The following CNTNAP4 variants were observed in gnomAD, a reference collection of about 807,000 sequenced individuals.
CNTNAP4 encodes the protein contactin associated protein family member 4.
CNTNAP4 carries 98 observed loss-of-function variants against 148.4 expected under a neutral mutation model. That is an observed-to-expected ratio of 0.66 (90% CI 0.56 to 0.78). CNTNAP4 has a LOEUF of 0.78. Among genes scored for constraint, CNTNAP4 ranks in the 30% least tolerant of loss-of-function variants. CNTNAP4 has a pLI of 0.00. For synonymous variants in CNTNAP4, 730 were observed against 565.1 expected (o/e 1.29, Z -4.14); for missense variants, 1,935 against 1,565.6 (o/e 1.24, Z -3.98).
rs539943195 is a variant in CNTNAP4 at position 76,282,478 on chromosome 16, T to G, written c.85+4731T>G. 1.3e-3 allele frequency among the ~76,000 whole-genome samples: 202 copies of G among 152,038 alleles called. 1 individual carries two copies. The highest frequency in any genetic ancestry group is 0.013 in the South Asian group (62 of 4,830). On this transcript the variant is annotated intron_variant, in intron 1 of 23. Transcript: ENST00000611870. Reference sequence around the variant, plus strand: ...TTTTCATGAGTATAAAATATTCCACTCTATCTTAATCAGCAACTTACATTT... The same window carrying G: ...TTTTCATGAGTATAAAATATTCCACGCTATCTTAATCAGCAACTTACATTT...
At chr16:76,554,993 A>G (rs2085130367) in intron 23 of CNTNAP4, among the ~76,000 whole-genome samples, 1 of 151,508 alleles carries the variant, frequency 6.6e-6, no homozygotes, top group South Asian at 2.1e-4. Flanking sequence ...TAATCGTATT[A>G]CTGGCACAAA....
intron 2 of CNTNAP4, among the ~76,000 whole-genome samples, chr16:76,323,592 G>A (rs920673263): frequency 1.3e-5 from 2 of 152,020 alleles, no homozygotes; most frequent in Non-Finnish European, 2.9e-5. Flanking sequence ...TTTTTGTGTC[G>A]ATTTATTTGA....
At chr16:76,474,326 A>C (rs2143595569) in intron 10 of CNTNAP4, among the ~76,000 whole-genome samples, 1 of 152,324 alleles carries the variant, frequency 6.6e-6, no homozygotes, top group South Asian at 2.1e-4. Flanking sequence ...AAGGGGACAA[A>C]GAAAGAATTG....
At position 76,404,520 on chromosome 16, in the gene CNTNAP4, C is replaced by T. The variant is rs894504224; in HGVS notation, c.391-22932C>T. On this transcript the variant is annotated intron_variant, in intron 3 of 23. Coordinates refer to ENST00000611870, the MANE Select transcript of CNTNAP4 (RefSeq NM_033401.5). Reference sequence around the variant, plus strand: ...ACTTTCTTAATACAACATCATTCTACTTCTTAAGTTAAACAACTTAAAGTA... The same window carrying T: ...ACTTTCTTAATACAACATCATTCTATTTCTTAAGTTAAACAACTTAAAGTA... Among the ~76,000 whole-genome samples the T allele has an allele frequency of 1.4e-4, 21 of 152,088 alleles. 1 individual carries two copies. The highest frequency in any genetic ancestry group is 6.6e-5 in the Admixed American group (1 of 15,242).
intron 20 of CNTNAP4, 138 bp downstream of exon 20, chr16:76,539,990 G>A (rs929037055): frequency 3.2e-6 from 2 of 616,832 alleles, no homozygotes; most frequent in African/African-American, 1.9e-5. Context: ...GACCTCAAAT[G>A]TAGTCAGGAT....
At chr16:76,369,446 C>A (rs1597342658) in intron 3 of CNTNAP4, among the ~76,000 whole-genome samples, 1 of 152,132 alleles carries the variant, frequency 6.6e-6, no homozygotes, top group African/African-American at 2.4e-5. Context: ...TGTCTTTTAG[C>A]AGGATAACCA....
intron 21 of CNTNAP4, among the ~76,000 whole-genome samples, chr16:76,545,477 C>T (rs1488421471): frequency 6.6e-6 from 1 of 152,120 alleles, no homozygotes; most frequent in African/African-American, 2.4e-5. Flanking sequence ...TAGTCATAGG[C>T]AGGTGGTCCC....
At chr16:76,493,670 T>C (rs893218080) in intron 13 of CNTNAP4, among the ~76,000 whole-genome samples, 3 of 152,160 alleles carry the variant, frequency 2.0e-5, no homozygotes, top group African/African-American at 7.2e-5. Flanking sequence ...AATATATTTA[T>C]TAAGTATTTC....
At chr16:76,324,766 T>C (rs1962788931) in intron 2 of CNTNAP4, among the ~76,000 whole-genome samples, 1 of 152,192 alleles carries the variant, frequency 6.6e-6, no homozygotes, top group African/African-American at 2.4e-5. Context: ...TTAAGTGACC[T>C]TTCCTGGTAC....
Position 76,345,114 on chromosome 16 carries a change from C to T in CNTNAP4, c.197-10204C>T, listed in dbSNP as rs77217521. On this transcript the variant is annotated intron_variant, in intron 2 of 23. Transcript: ENST00000611870. ...AAAGACACCTTTTACTGACTGGGCC[C>T]CATGATACTTCTTGTTGGCTATTCA... Among the ~76,000 whole-genome samples, 1,506 of 152,272 alleles carry T rather than the reference C, an allele frequency of 9.9e-3. 25 individuals carry two copies. The highest frequency in any genetic ancestry group is 0.034 in the African/African-American group (1,416 of 41,562).
intron 3 of CNTNAP4, among the ~76,000 whole-genome samples, chr16:76,415,869 GAGTACATCATC>G (rs1451806553): frequency 2.7e-5 from 4 of 148,848 alleles, no homozygotes; most frequent in African/African-American, 7.4e-5. Context: ...TTATGTTGTT[GAGTACATCATC>G]AGTTTATGTC....
intron 21 of CNTNAP4, among the ~76,000 whole-genome samples, chr16:76,545,386 A>G (rs1323783748): frequency 1.3e-5 from 2 of 152,192 alleles, no homozygotes; most frequent in Admixed American, 1.3e-4. Flanking sequence ...AGTATTCATG[A>G]CGTTGAAAGA....
chr16:76,320,170 G>A (rs1004614985), intron 2 of CNTNAP4, among the ~76,000 whole-genome samples: 2 of 152,176 alleles, frequency 1.3e-5, no homozygotes, highest in Non-Finnish European at 2.9e-5. Context: ...ACATAGGAGG[G>A]AAAGCAATCC....
At position 76,560,055 on chromosome 16, in the gene CNTNAP4, A is replaced by G. The variant is rs947102525; in HGVS notation, c.*1372A>G. 2.6e-5 allele frequency among the ~76,000 whole-genome samples: 4 copies of G among 152,200 alleles called. No homozygotes were observed. The highest frequency in any genetic ancestry group is 9.6e-5 in the African/African-American group (4 of 41,466). On this transcript the variant is annotated 3_prime_UTR_variant, in exon 24 of 24. Coordinates refer to ENST00000611870, the MANE Select transcript of CNTNAP4 (RefSeq NM_033401.5). Reference sequence around the variant, plus strand: ...TACACTAGGAGATCAAAGAATGATCAATAACCTTATGGAACTGTTACAATA... The same window carrying G: ...TACACTAGGAGATCAAAGAATGATCGATAACCTTATGGAACTGTTACAATA...
chr16:76,423,493 T>A (rs1199149303), intron 3 of CNTNAP4, among the ~76,000 whole-genome samples: 1 of 152,122 alleles, frequency 6.6e-6, no homozygotes, highest in Non-Finnish European at 1.5e-5. Flanking sequence ...TGTAATAAAA[T>A]TATTATTTTT....
intron 1 of CNTNAP4, among the ~76,000 whole-genome samples, chr16:76,313,914 A>G (rs970962891): frequency 6.6e-6 from 1 of 152,182 alleles, no homozygotes; most frequent in Non-Finnish European, 1.5e-5. Flanking sequence ...TATTTTTCTG[A>G]TTAATGCAAA....
intron 10 of CNTNAP4, among the ~76,000 whole-genome samples, chr16:76,474,385 G>T (rs927722604): frequency 6.6e-6 from 1 of 152,142 alleles, no homozygotes; most frequent in Non-Finnish European, 1.5e-5. Flanking sequence ...GGCAGGTCAA[G>T]GGCCTGTAGT....
chr16:76,420,019 G>A (rs889761876), intron 3 of CNTNAP4, among the ~76,000 whole-genome samples: 7 of 151,884 alleles, frequency 4.6e-5, no homozygotes, highest in Non-Finnish European at 8.8e-5. Flanking sequence ...AATTTTGAGA[G>A]GGTGCAATTT....
At position 76,277,639 on chromosome 16, in the gene CNTNAP4, TG is replaced by T; in HGVS notation, c.-19del. The T allele has an allele frequency of 6.4e-7, 1 of 1,557,994 alleles. No individual in the cohort carries two copies. The highest frequency in any genetic ancestry group is 8.8e-7 in the Non-Finnish European group (1 of 1,139,462). Reference sequence around the variant, plus strand: ...GCTCTGAGAGCCTCTCAAGATCTTTTGGGGGAGCCCAATAAATGTGAACATG... The same window carrying T: ...GCTCTGAGAGCCTCTCAAGATCTTTTGGGGAGCCCAATAAATGTGAACATG... On this transcript the variant is annotated 5_prime_UTR_variant, in exon 1 of 24. Transcript: ENST00000611870.
Sources: allele counts gnomAD v4.1 joint callset (sites outside exome capture counted in the v4.1 genomes callset), GRCh38; gene constraint gnomAD v4.1.1; transcripts MANE v1.5; gene names NCBI Gene and HGNC (gene_info 2026-07-23, HGNC 2026-07-21).